PRKCA: variants seen among roughly 807,000 people sequenced by gnomAD.
PRKCA encodes the protein protein kinase C alpha type.
Under a neutral mutation model 87.0 loss-of-function variants are expected in PRKCA, and 27 were observed. That is an observed-to-expected ratio of 0.31 (90% CI 0.23 to 0.43). The LOEUF (loss-of-function observed/expected upper bound fraction) is 0.43, where lower values mean the gene tolerates loss of function less well. PRKCA is among the 20% of genes least tolerant of loss of function. PRKCA has a pLI of 1.00. For missense variants in PRKCA, 518 were observed against 852.3 expected, an observed-to-expected ratio of 0.61 and a Z score of 4.88; for synonymous variants, 329 against 311.1, an observed-to-expected ratio of 1.06 and a Z score of -0.61.
intron 3 of PRKCA, among the ~76,000 whole-genome samples, chr17:66,535,515 G>A (rs2143080164): frequency 6.6e-6 from 1 of 151,828 alleles, no homozygotes; most frequent in Middle Eastern, 3.4e-3. Flanking sequence ...GCCTCTAACT[G>A]ATGGGGTGGG....
At chr17:66,621,496 C>T (rs1970679765) in intron 3 of PRKCA, among the ~76,000 whole-genome samples, 2 of 152,086 alleles carry the variant, frequency 1.3e-5, no homozygotes, top group African/African-American at 4.8e-5. Context: ...CCGTTTTGAC[C>T]ACTTAGTGTT....
chr17:66,451,941 A>G (rs571527847), intron 2 of PRKCA, among the ~76,000 whole-genome samples: 25 of 152,338 alleles, frequency 1.6e-4, no homozygotes, highest in African/African-American at 5.8e-4. Flanking sequence ...TTCTATCTCA[A>G]TCTAACTGTC....
intron 2 of PRKCA, among the ~76,000 whole-genome samples, chr17:66,328,422 T>C (rs192978122): frequency 6.6e-6 from 1 of 151,968 alleles, no homozygotes; most frequent in Non-Finnish European, 1.5e-5. Context: ...GTTAACTGAT[T>C]GAAAATGAAA....
rs554626423 is a variant in PRKCA at position 66,651,695 on chromosome 17, AT to A, written c.529+6185del. On this transcript the variant is annotated intron_variant, in intron 5 of 16. Coordinates refer to ENST00000413366, the MANE Select transcript of PRKCA (RefSeq NM_002737.3). ...AGGAACGTAGATGGTGATGCAGCAG[AT>A]GTATCTGCTCCTTTGGTTTGGGATG... 2.4e-4 allele frequency among the ~76,000 whole-genome samples: 37 copies of A among 152,276 alleles called. 1 individual carries two copies. The South Asian group carries it at 6.6e-3, about 27-fold the overall frequency.
Position 66,742,708 on chromosome 17 carries a change from A to G in PRKCA, c.1472A>G (p.Asp491Gly), listed in dbSNP as rs752577272. The change falls in exon 13 of 17, where the codon GAT (aspartate) becomes GGT (glycine). Residue 491 changes from aspartate to glycine, a missense_variant. Physicochemically the swap from Asp to Gly is moderately conservative, Grantham distance 94. Around this residue, in one of 5 missense-constraint regions of PRKCA, gnomAD observed 159 missense variants for 232.4 expected, o/e 0.68. Transcript: ENST00000413366. The part of the protein sequence containing the change: ...DFGMCKEHMM[D>G]GVTTRTFCGT... Reference sequence around the variant, plus strand: ...GGGATGTGCAAGGAACACATGATGGATGGAGTCACGACCAGGACCTTCTGT... The same window carrying G: ...GGGATGTGCAAGGAACACATGATGGGTGGAGTCACGACCAGGACCTTCTGT... The G allele has an allele frequency of 1.8e-5, 29 of 1,614,040 alleles. No homozygotes were observed. Among genetic ancestry groups the G allele is most frequent in the African/African-American group, 4.0e-5 (3 of 74,910 alleles).
intron 2 of PRKCA, among the ~76,000 whole-genome samples, chr17:66,417,659 T>C (rs1912234557): frequency 6.6e-6 from 1 of 152,188 alleles, no homozygotes; most frequent in African/African-American, 2.4e-5. Context: ...CCAGTGTCAC[T>C]GCAAAGCGAC....
intron 14 of PRKCA, among the ~76,000 whole-genome samples, chr17:66,785,863 C>G (rs973758463): frequency 6.6e-6 from 1 of 152,250 alleles, no homozygotes; most frequent in Non-Finnish European, 1.5e-5. Flanking sequence ...GAGTCTCGCT[C>G]TGTCACCCAG....
At chr17:66,426,609 G>A (rs1912821521) in intron 2 of PRKCA, among the ~76,000 whole-genome samples, 1 of 152,168 alleles carries the variant, frequency 6.6e-6, no homozygotes, top group Non-Finnish European at 1.5e-5. Flanking sequence ...TCCTCTTCCT[G>A]TGCTGCAAGA....
At chr17:66,553,027 G>T (rs758860879) in intron 3 of PRKCA, among the ~76,000 whole-genome samples, 109 of 151,076 alleles carry the variant, frequency 7.2e-4, no homozygotes, top group Non-Finnish European at 1.4e-3. Flanking sequence ...TGTTGCTGGT[G>T]CCAGAGTGCA....
At chr17:66,340,010 T>C (rs1906943259) in intron 2 of PRKCA, 2 of 152,230 alleles carry the variant, frequency 1.3e-5, no homozygotes, top group Admixed American at 6.5e-5. Flanking sequence ...TTACATGAGC[T>C]AAATGTGTAA....
intron 5 of PRKCA, among the ~76,000 whole-genome samples, chr17:66,684,668 A>C (rs151307854): frequency 7.9e-5 from 12 of 152,330 alleles, no homozygotes; most frequent in African/African-American, 2.6e-4. Flanking sequence ...TCTTACTTAA[A>C]TGATTTTTTT....
At chr17:66,515,885 C>G (rs1458251809) in intron 3 of PRKCA, among the ~76,000 whole-genome samples, 5 of 152,056 alleles carry the variant, frequency 3.3e-5, no homozygotes, top group African/African-American at 9.7e-5. Context: ...TTAAACAAGG[C>G]TTTTCTTTTA....
chr17:66,372,012 G>A (rs1454116786), intron 2 of PRKCA, among the ~76,000 whole-genome samples: 1 of 152,232 alleles, frequency 6.6e-6, no homozygotes, highest in Non-Finnish European at 1.5e-5. Context: ...GATTTAAAAT[G>A]TGGATGGAAA....
chr17:66,512,771 C>A (rs1006611554), intron 3 of PRKCA, among the ~76,000 whole-genome samples: 3 of 152,136 alleles, frequency 2.0e-5, no homozygotes, highest in Non-Finnish European at 4.4e-5. Context: ...TGGCTCACTG[C>A]AACTTCCACC....
At chr17:66,384,224 A>G (rs143706880) in intron 2 of PRKCA, among the ~76,000 whole-genome samples, 1 of 152,286 alleles carries the variant, frequency 6.6e-6, no homozygotes, top group African/African-American at 2.4e-5. Context: ...ACAGAGAGCT[A>G]TAGTGGAGTG....
At chr17:66,356,373 C>T (rs1459906206) in intron 2 of PRKCA, among the ~76,000 whole-genome samples, 6 of 152,172 alleles carry the variant, frequency 3.9e-5, no homozygotes, top group African/African-American at 9.7e-5. Flanking sequence ...CGGTGGCTCA[C>T]GCCTGTAATC....
At chr17:66,333,744 G>A (rs1429283570) in intron 2 of PRKCA, among the ~76,000 whole-genome samples, 1 of 151,986 alleles carries the variant, frequency 6.6e-6, no homozygotes, top group Non-Finnish European at 1.5e-5. Context: ...CATCTGTTCC[G>A]AGCCCTGACA....
At chr17:66,480,341 T>C (rs1013167184) in intron 2 of PRKCA, among the ~76,000 whole-genome samples, 3 of 152,146 alleles carry the variant, frequency 2.0e-5, no homozygotes, top group Admixed American at 6.5e-5. Flanking sequence ...TCCCTGATGT[T>C]TTATTAGTTC....
At chr17:66,703,808 A>AT (rs397686527) in intron 8 of PRKCA, 4 of 151,848 alleles carry the variant, frequency 2.6e-5, no homozygotes, top group African/African-American at 9.7e-5. Context: ...AAAAAAAAAA[A>AT]TAGAAAAAAT....
Sources: allele counts gnomAD v4.1 joint callset (sites outside exome capture counted in the v4.1 genomes callset), GRCh38; gene constraint gnomAD v4.1.1; regional missense constraint gnomAD v4.1.1; transcripts MANE v1.5; gene names NCBI Gene and HGNC (gene_info 2026-07-23, HGNC 2026-07-21).